Variants in ZNF609 observed in about 807,000 individuals in gnomAD.
The protein encoded by ZNF609 is zinc finger protein 609.
ZNF609 carries 11 observed loss-of-function variants against 109.5 expected under a neutral mutation model. The observed-to-expected ratio is 0.10, with a 90% confidence interval of 0.06 to 0.17. ZNF609 has a LOEUF of 0.17. Ranked by LOEUF, ZNF609 falls within the 10% of genes least tolerant of loss-of-function variation. The probability of loss-of-function intolerance (pLI) is 1.00; values close to 1 mark genes in which losing one functional copy is unlikely to be tolerated. For missense variants in ZNF609, 1,559 were observed against 1,772.4 expected (o/e 0.88, Z 2.16); for synonymous variants, 646 against 662.0 (o/e 0.98, Z 0.37).
In ZNF609 at chr15:64,683,453, G is replaced by A. The variant is rs928694703; in HGVS notation, c.*1767G>A. ...TCTGATCTACAGGCCTTTTCCCTAG[G>A]TTTCTGCCTCCTCGTTTTTGTTCAA... is the stretch of plus-strand genomic sequence containing the variant. On this transcript the variant is annotated 3_prime_UTR_variant, in exon 10 of 10. Coordinates refer to ENST00000326648, the MANE Select transcript of ZNF609 (RefSeq NM_015042.2). The A allele has an allele frequency of 6.5e-6, 1 of 152,798 alleles. No homozygotes were observed. Among genetic ancestry groups the A allele is most frequent in the South Asian group, 2.1e-4 (1 of 4,834 alleles). The allele number at this position is 152,798 out of a possible 1,614,324, so 9.5% of individuals were successfully genotyped here.
chr15:64,548,473 T>C (rs1238164245), intron 2 of ZNF609, among the ~76,000 whole-genome samples: 1 of 152,190 alleles, frequency 6.6e-6, no homozygotes, highest in Non-Finnish European at 1.5e-5. Flanking sequence ...TTAATAGAAC[T>C]GCTTAGGCTG....
intron 1 of ZNF609, among the ~76,000 whole-genome samples, chr15:64,486,510 T>A (rs1480974237): frequency 7.4e-6 from 1 of 135,064 alleles, no homozygotes; most frequent in Non-Finnish European, 1.6e-5. Flanking sequence ...GGTGACAGAG[T>A]GAGACTCTGT....
chr15:64,680,978 T>G (rs939987471), intron 8 of ZNF609, 116 bp downstream of exon 8: 2 of 1,235,024 alleles, frequency 1.6e-6, no homozygotes, highest in Admixed American at 5.4e-5. Flanking sequence ...GAATCCTTTT[T>G]TAATTTTTTT....
At chr15:64,621,306 T>G (rs902589529) in intron 2 of ZNF609, among the ~76,000 whole-genome samples, 2 of 152,206 alleles carry the variant, frequency 1.3e-5, no homozygotes, top group Non-Finnish European at 2.9e-5. Context: ...GCCTCATAAA[T>G]TCTGGGATTT....
chr15:64,612,634 T>A (rs887902884), intron 2 of ZNF609, among the ~76,000 whole-genome samples: 5 of 151,400 alleles, frequency 3.3e-5, no homozygotes, highest in African/African-American at 4.8e-5. Flanking sequence ...CCTCTTTTTT[T>A]TTTTTTTTTT....
chr15:64,500,667 G>A (rs1387583970), intron 2 of ZNF609: 2 of 517,360 alleles, frequency 3.9e-6, no homozygotes, highest in South Asian at 2.6e-5. Context: ...GCATATCTAC[G>A]AAGTGTTCTA....
chr15:64,652,965 CA>C (rs902195713), intron 3 of ZNF609: 2 of 153,006 alleles, frequency 1.3e-5, no homozygotes, highest in African/African-American at 4.8e-5. Flanking sequence ...TCTCTAATCC[CA>C]TTGCTTCACT....
At chr15:64,489,528 CTT>C (rs10577073) in intron 1 of ZNF609, among the ~76,000 whole-genome samples, 90,702 of 113,620 alleles carry the variant, frequency 0.8, 37,374 homozygotes, top group East Asian at 0.91. Context: ...CCATTATTCA[CTT>C]TTTTTTTTTT....
At chr15:64,626,432 A>T (rs1252663835) in intron 3 of ZNF609, among the ~76,000 whole-genome samples, 2 of 152,196 alleles carry the variant, frequency 1.3e-5, no homozygotes, top group African/African-American at 4.8e-5. Context: ...GATACTTTTT[A>T]AAAAATTCTT....
chr15:64,540,904 T>G (rs1252063999), intron 2 of ZNF609, among the ~76,000 whole-genome samples: 1 of 150,186 alleles, frequency 6.7e-6, no homozygotes, highest in Non-Finnish European at 1.5e-5. Flanking sequence ...GGCATGCACC[T>G]GTAGTCCCAG....
chr15:64,658,232 C>G (rs890180575), intron 3 of ZNF609, among the ~76,000 whole-genome samples: 1 of 151,844 alleles, frequency 6.6e-6, no homozygotes, highest in African/African-American at 2.4e-5. Flanking sequence ...GAGTCTTGCT[C>G]TGTTTCCCAG....
chr15:64,492,459 A>T (rs1364618045), intron 1 of ZNF609, among the ~76,000 whole-genome samples: 1 of 152,230 alleles, frequency 6.6e-6, no homozygotes, highest in African/African-American at 2.4e-5. Flanking sequence ...TGAAAGGTAG[A>T]ACCATGAAAC....
At chr15:64,558,785 G>A (rs980440508) in intron 2 of ZNF609, among the ~76,000 whole-genome samples, 2 of 152,094 alleles carry the variant, frequency 1.3e-5, no homozygotes, top group East Asian at 3.8e-4. Flanking sequence ...ATAGACTAAA[G>A]TATGAGGAAA....
chr15:64,466,440 C>T (rs561053803), intron 1 of ZNF609, among the ~76,000 whole-genome samples: 10 of 152,240 alleles, frequency 6.6e-5, no homozygotes, highest in South Asian at 2.1e-4. Flanking sequence ...TACTAATTAA[C>T]GGATGATTGA....
At chr15:64,472,894 C>G (rs895889489) in intron 1 of ZNF609, among the ~76,000 whole-genome samples, 4 of 152,120 alleles carry the variant, frequency 2.6e-5, no homozygotes, top group African/African-American at 9.7e-5. Context: ...TAAATTTCAG[C>G]TACAAATTCT....
In ZNF609 at chr15:64,681,781, T is replaced by C. The variant is rs2083211119; in HGVS notation, c.*95T>C. 2.9e-5 allele frequency: 5 copies of C among 169,810 alleles called. No homozygotes were observed. Among genetic ancestry groups the C allele is most frequent in the Non-Finnish European group, 5.1e-5 (4 of 78,812 alleles). The allele number at this position is 169,810 out of a possible 1,614,324, so 10.5% of individuals were successfully genotyped here. A position where few individuals can be genotyped will look rare whatever the true frequency, so the allele number is the denominator to read the frequency against. On this transcript the variant is annotated 3_prime_UTR_variant, in exon 10 of 10. Coordinates refer to ENST00000326648, the MANE Select transcript of ZNF609 (RefSeq NM_015042.2). ...AGGTGCCGTTTAGACATCAGTTAAA[T>C]GGTGTTGATCATCCTGTTTGCCGTT...
intron 6 of ZNF609, 148 bp downstream of exon 6, chr15:64,678,630 T>A: frequency 8.9e-7 from 1 of 1,124,806 alleles, no homozygotes; most frequent in South Asian, 1.7e-5. Flanking sequence ...TTCTGTGAGG[T>A]GGCCACCATA....
At position 64,662,352 on chromosome 15, in the gene ZNF609, T is replaced by C. The variant is rs28880296; in HGVS notation, c.974-7994T>C. Among the ~76,000 whole-genome samples the C allele has an allele frequency of 8.9e-3, 1,357 of 152,232 alleles. 24 individuals carry two copies. The highest frequency in any genetic ancestry group is 0.031 in the African/African-American group (1,290 of 41,530). Reference sequence around the variant, plus strand: ...GATGAGAATTAGGCCCCATCTTTTTTTTTTCCTCTGTGAATTAGGCTGGAG... The same window carrying C: ...GATGAGAATTAGGCCCCATCTTTTTCTTTTCCTCTGTGAATTAGGCTGGAG... On this transcript the variant is annotated intron_variant, in intron 3 of 9. Transcript: ENST00000326648.
chr15:64,543,124 C>T (rs1184455259), intron 2 of ZNF609, among the ~76,000 whole-genome samples: 3 of 151,910 alleles, frequency 2.0e-5, no homozygotes, highest in South Asian at 2.1e-4. Context: ...CAAACCTGCA[C>T]GTTCTGCACA....
Sources: allele counts gnomAD v4.1 joint callset (sites outside exome capture counted in the v4.1 genomes callset), GRCh38; gene constraint gnomAD v4.1.1; transcripts MANE v1.5; gene names NCBI Gene and HGNC (gene_info 2026-07-23, HGNC 2026-07-21).